RNLS: variants seen among roughly 807,000 people sequenced by gnomAD.
The protein encoded by RNLS is renalase.
Under a neutral mutation model 39.8 loss-of-function variants are expected in RNLS, and 39 were observed. The observed-to-expected ratio is 0.98, with a 90% CI of 0.76 to 1.28. RNLS has a LOEUF of 1.28. Ranked by LOEUF, RNLS falls within the 50% of genes most tolerant of loss-of-function variation. The probability of loss-of-function intolerance (pLI) is 0.00; values close to 1 mark genes in which losing one functional copy is unlikely to be tolerated. For missense variants in RNLS, 410 were observed against 413.3 expected (o/e 0.99, Z 0.07); for synonymous variants, 147 against 150.7 (o/e 0.98, Z 0.18).
At chr10:88,250,828 C>T in the RNLS span, among the ~76,000 whole-genome samples, 1 of 152,098 alleles carries the variant, frequency 6.6e-6, no homozygotes, top group Admixed American at 6.5e-5. Context: ...AGATGTCATC[C>T]TAGAAATATA....
intron 4 of RNLS, among the ~76,000 whole-genome samples, chr10:88,523,397 ATATGT>A (rs947757829): frequency 6.6e-6 from 1 of 152,130 alleles, no homozygotes; most frequent in Non-Finnish European, 1.5e-5. Flanking sequence ...CTTTTTGAAA[ATATGT>A]TACATACTTT....
chr10:88,176,145 A>G, the RNLS span, among the ~76,000 whole-genome samples: 1 of 151,158 alleles, frequency 6.6e-6, no homozygotes, highest in Non-Finnish European at 1.5e-5. Context: ...GGATTTAAAC[A>G]AAATTCATTT....
At chr10:88,465,734 T>C (rs572782310) in intron 4 of RNLS, among the ~76,000 whole-genome samples, 151 of 152,250 alleles carry the variant, frequency 9.9e-4, no homozygotes, top group African/African-American at 3.3e-3. Flanking sequence ...TTAATGCCTG[T>C]CTTTATTTAT....
intron 6 of RNLS, among the ~76,000 whole-genome samples, chr10:88,312,656 C>A (rs1845461871): frequency 6.6e-6 from 1 of 152,134 alleles, no homozygotes; most frequent in Non-Finnish European, 1.5e-5. Context: ...AGAGTTAAAA[C>A]TAACAAACTC....
At chr10:88,187,169 T>C in the RNLS span, among the ~76,000 whole-genome samples, 12,522 of 116,490 alleles carry the variant, frequency 0.11, 960 homozygotes, top group African/African-American at 0.14. Flanking sequence ...ATATATATAA[T>C]ATATATATAA....
At chr10:88,231,737 C>T in the RNLS span, among the ~76,000 whole-genome samples, 1 of 152,120 alleles carries the variant, frequency 6.6e-6, no homozygotes, top group South Asian at 2.1e-4. Context: ...GTACCAGTAG[C>T]TACAAATAGA....
chr10:88,576,345 C>T (rs1487834554), intron 3 of RNLS, among the ~76,000 whole-genome samples: 1 of 152,090 alleles, frequency 6.6e-6, no homozygotes, highest in Non-Finnish European at 1.5e-5. Flanking sequence ...ATAAAGATAT[C>T]AGAAGTCTAA....
At chr10:88,279,045 G>A (rs373236255) in intron 6 of RNLS, among the ~76,000 whole-genome samples, 2 of 152,192 alleles carry the variant, frequency 1.3e-5, no homozygotes, top group African/African-American at 2.4e-5. Context: ...TACACATGGG[G>A]TAAGTATCAC....
At chr10:88,271,470 G>A (rs534090294), downstream of RNLS, among the ~76,000 whole-genome samples, 1 of 152,134 alleles carries the variant, frequency 6.6e-6, no homozygotes, top group African/African-American at 2.4e-5. Flanking sequence ...ACTCACCTGT[G>A]ACTGCCCTCA....
At chr10:88,309,407 G>A (rs1351700774) in intron 6 of RNLS, 1 of 1,289,354 alleles carries the variant, frequency 7.8e-7, no homozygotes. Context: ...TCTCATGAGG[G>A]GATAATGTAA....
chr10:88,500,385 T>C (rs576516507), intron 4 of RNLS, among the ~76,000 whole-genome samples: 1 of 152,296 alleles, frequency 6.6e-6, no homozygotes, highest in Admixed American at 6.5e-5. Context: ...GAAGCATCTG[T>C]ATTTTCCAAA....
At chr10:88,446,360 T>C (rs1159642083) in intron 4 of RNLS, among the ~76,000 whole-genome samples, 1 of 151,648 alleles carries the variant, frequency 6.6e-6, no homozygotes, top group Non-Finnish European at 1.5e-5. Context: ...CAAGAGAAAG[T>C]AGGAAAGATC....
chr10:88,387,488 C>A (rs74149715), intron 4 of RNLS, among the ~76,000 whole-genome samples: 12,915 of 97,910 alleles, frequency 0.13, 753 homozygotes, highest in East Asian at 0.41. Context: ...AGAAGAAAAG[C>A]GAGGAGAACA....
chr10:88,514,263 C>T (rs188807301), intron 4 of RNLS, among the ~76,000 whole-genome samples: 2 of 151,910 alleles, frequency 1.3e-5, no homozygotes, highest in African/African-American at 4.8e-5. Context: ...GGCAAAGAGC[C>T]GCTTATAAAA....
At chr10:88,582,984 C>T (rs1850731145) in intron 1 of RNLS, 89 bp downstream of exon 1, 2 of 1,456,932 alleles carry the variant, frequency 1.4e-6, no homozygotes, top group Admixed American at 2.2e-5. Context: ...GCGTTTTCGC[C>T]TTAGACTTTC....
chr10:88,296,826 T>C (rs937735412), intron 6 of RNLS, among the ~76,000 whole-genome samples: 16 of 152,182 alleles, frequency 1.1e-4, no homozygotes, highest in Non-Finnish European at 1.9e-4. Context: ...AGTTAATCCC[T>C]TCCTCTCAAT....
intron 6 of RNLS, among the ~76,000 whole-genome samples, chr10:88,277,222 A>T (rs1014232717): frequency 6.6e-6 from 1 of 152,196 alleles, no homozygotes; most frequent in Non-Finnish European, 1.5e-5. Context: ...AACTATCACA[A>T]GGACAGAAAA....
intron 6 of RNLS, among the ~76,000 whole-genome samples, chr10:88,302,944 C>T (rs1325963689): frequency 6.6e-6 from 1 of 152,110 alleles, no homozygotes; most frequent in Admixed American, 6.5e-5. Flanking sequence ...AACTGACATG[C>T]TCCTAATAGA....
intron 5 of RNLS, among the ~76,000 whole-genome samples, chr10:88,324,760 A>G (rs1300326294): frequency 2.6e-5 from 4 of 152,168 alleles, no homozygotes; most frequent in Non-Finnish European, 4.4e-5. Flanking sequence ...AAACTTTTTC[A>G]TCTTCCTAAA....
Sources: allele counts gnomAD v4.1 joint callset (sites outside exome capture counted in the v4.1 genomes callset), GRCh38; gene constraint gnomAD v4.1.1; transcripts MANE v1.5; gene names NCBI Gene and HGNC (gene_info 2026-07-23, HGNC 2026-07-21).